ADSL: variants seen among roughly 807,000 people sequenced by gnomAD.
ADSL encodes the protein adenylosuccinase.
Under a neutral mutation model 62.1 loss-of-function variants are expected in ADSL, and 44 were observed. That is an observed-to-expected ratio of 0.71 (90% confidence interval 0.56 to 0.91). The LOEUF is 0.91. Ranked by LOEUF, ADSL falls within the 40% of genes least tolerant of loss-of-function variation. The pLI, the probability that ADSL is intolerant of heterozygous loss-of-function variation, is 0.00. For missense variants in ADSL, 531 were observed against 627.4 expected, an observed-to-expected ratio of 0.85 and a Z score of 1.64; for synonymous variants, 198 against 220.5, an observed-to-expected ratio of 0.90 and a Z score of 0.90.
chr22:40,366,591 C>T lies in ADSL; in HGVS notation c.*69C>T. The T allele has an allele frequency of 9.0e-7, 1 of 1,106,824 alleles. No individual in the cohort carries two copies. Among genetic ancestry groups the T allele is most frequent in the African/African-American group, 1.5e-5 (1 of 64,768 alleles). The allele number at this position is 1,106,824 out of a possible 1,614,324, so 68.6% of individuals were successfully genotyped here. On this transcript the variant is annotated 3_prime_UTR_variant, in exon 13 of 13. Coordinates refer to ENST00000623063, the MANE Select transcript of ADSL (RefSeq NM_000026.4). ...CATGAAAATTGTGTTACTATAATGC[C>T]TTATTTTACCTCGAGAATTGTTACC... is the stretch of plus-strand genomic sequence containing the variant.
chr22:40,359,596 G>A (rs555341274), intron 6 of ADSL, among the ~76,000 whole-genome samples: 48 of 151,470 alleles, frequency 3.2e-4, no homozygotes, highest in Admixed American at 7.2e-4. Context: ...GGAGTGCAGC[G>A]GTGTGATCTC....
chr22:40,364,506 C>A, intron 11 of ADSL, 141 bp downstream of exon 11: 1 of 796,636 alleles, frequency 1.3e-6, no homozygotes, highest in Non-Finnish European at 2.1e-6. Context: ...CCATAATCTG[C>A]CATCTATGGA....
At chr22:40,387,154 T>G in intron 2 of ADSL, 1 of 398,518 alleles carries the variant, frequency 2.5e-6, no homozygotes, top group Non-Finnish European at 4.4e-6. Flanking sequence ...ATGGGGATAA[T>G]GCCTGTGAGT....
chr22:40,361,999 G>A (rs2044809144), intron 9 of ADSL, among the ~76,000 whole-genome samples: 1 of 152,150 alleles, frequency 6.6e-6, no homozygotes, highest in Non-Finnish European at 1.5e-5. Context: ...GAGTAGCCCT[G>A]GGGAATGAAG....
In ADSL at chr22:40,353,100, G is replaced by GA; in HGVS notation, c.386dup (p.Asp129GlufsTer19). On this transcript the variant is annotated frameshift_variant, in exon 3 of 13. Transcript: ENST00000623063. LOFTEE classifies it high-confidence loss of function. ...CTTGATTATTCTTAGAAATGCACTT[G>GA]ACCTGCTTTTGCCAAAGGTAAGGAG... The GA allele has an allele frequency of 6.2e-7, 1 of 1,613,924 alleles. No individual in the cohort carries two copies. Among genetic ancestry groups the GA allele is most frequent in the Non-Finnish European group, 8.5e-7 (1 of 1,179,888 alleles).
At chr22:40,359,437 T>C (rs2044685918) in intron 6 of ADSL, 131 bp downstream of exon 6, 1 of 792,484 alleles carries the variant, frequency 1.3e-6, no homozygotes, top group East Asian at 2.6e-5. Context: ...TTTTTTTTCC[T>C]GTCTCTATCC....
chr22:40,350,144 T>C lies in ADSL; in HGVS notation c.357+109T>C, dbSNP rs2044289730. 1.3e-5 allele frequency: 15 copies of C among 1,124,926 alleles called. No homozygotes were observed. The Admixed American group carries it at 2.8e-4, about 21-fold the overall frequency. The allele number at this position is 1,124,926 out of a possible 1,614,324, so 69.7% of individuals were successfully genotyped here. ...GTGACACTATAGATCTTTTTTTTTTTTTTGAGGCAGAGTCTCCCTCTGTCT... is the reference window on the plus strand; with the variant it reads ...GTGACACTATAGATCTTTTTTTTTTCTTTGAGGCAGAGTCTCCCTCTGTCT... On this transcript the variant is annotated intron_variant, in intron 2 of 12. Coordinates refer to ENST00000623063, the MANE Select transcript of ADSL (RefSeq NM_000026.4).
chr22:40,349,606 G>C (rs2044269050), intron 1 of ADSL, among the ~76,000 whole-genome samples: 1 of 152,006 alleles, frequency 6.6e-6, no homozygotes, highest in Admixed American at 6.6e-5. Flanking sequence ...TTGGAGCTTT[G>C]TTATAGTATA....
chr22:40,349,578 G>T (rs1467088340), intron 1 of ADSL, among the ~76,000 whole-genome samples: 2 of 151,966 alleles, frequency 1.3e-5, no homozygotes, highest in African/African-American at 4.8e-5. Context: ...TTTCACCGTT[G>T]TTGCCCAGGC....
At chr22:40,377,965 A>G (rs376332885) in intron 2 of ADSL, among the ~76,000 whole-genome samples, 19 of 152,326 alleles carry the variant, frequency 1.2e-4, no homozygotes, top group African/African-American at 4.6e-4. Context: ...AAGTACCCCT[A>G]AAAAGACCAA....
At chr22:40,383,120 T>C (rs2047836536) in intron 2 of ADSL, among the ~76,000 whole-genome samples, 2 of 152,178 alleles carry the variant, frequency 1.3e-5, no homozygotes, top group African/African-American at 4.8e-5. Flanking sequence ...ATTCAGCCCT[T>C]GAAGAGCTTT....
intron 3 of ADSL, chr22:40,353,477 T>A: frequency 1.4e-6 from 1 of 694,430 alleles, no homozygotes; most frequent in Non-Finnish European, 2.6e-6. Context: ...TAGAAATGGT[T>A]TTTGCCATGT....
rs11431892 is a variant in ADSL, at chr22:40,360,726, C to CTT, written c.792+245_792+246dup. Among the ~76,000 whole-genome samples, 660 of 147,386 alleles carry CTT rather than the reference C, an allele frequency of 4.5e-3. 5 individuals are homozygous for CTT. The highest frequency in any genetic ancestry group is 0.012 in the African/African-American group (478 of 40,090). On this transcript the variant is annotated intron_variant, in intron 7 of 12. Coordinates refer to ENST00000623063, the MANE Select transcript of ADSL (RefSeq NM_000026.4). The stretch of plus-strand genomic sequence containing the variant: ...TTGTTCAGTGGTATATTAAATTAAT[C>CTT]TTTTTTTTTTTTCGAGATGGAGTTT...
At chr22:40,354,633 G>A (rs2044479813) in intron 4 of ADSL, among the ~76,000 whole-genome samples, 2 of 152,104 alleles carry the variant, frequency 1.3e-5, no homozygotes. Context: ...CATTTTGGGA[G>A]GTCAAGGTGG....
intron 2 of ADSL, among the ~76,000 whole-genome samples, chr22:40,386,690 C>T (rs75719877): frequency 7.5e-5 from 11 of 147,182 alleles, no homozygotes; most frequent in African/African-American, 2.5e-4. Flanking sequence ...CCAAAGTGTT[C>T]GGGTTACATA....
chr22:40,360,534 G>C, intron 7 of ADSL, 42 bp downstream of exon 7: 1 of 1,414,324 alleles, frequency 7.1e-7, no homozygotes, highest in African/African-American at 1.4e-5. Context: ...GGAGCTTTGG[G>C]CACCACAGAC....
At chr22:40,365,687 T>G (rs2044977373) in intron 12 of ADSL, among the ~76,000 whole-genome samples, 2 of 151,962 alleles carry the variant, frequency 1.3e-5, no homozygotes, top group Non-Finnish European at 2.9e-5. Context: ...CTGGGCAACA[T>G]GGTGAAACCT....
Position 40,368,079 on chromosome 22 carries a change from T to C in ADSL, c.*1557T>C, listed in dbSNP as rs1304896723. ...CCAAAAAGATCTTGTGGTGGAGGAA[T>C]GTTAGGGCTCTTTATCCTATACAGA... On this transcript the variant is annotated 3_prime_UTR_variant, in exon 13 of 13. Transcript: ENST00000623063. The C allele has an allele frequency of 6.6e-6, 1 of 152,182 alleles. No individual in the cohort carries two copies. Among genetic ancestry groups the C allele is most frequent in the Non-Finnish European group, 1.5e-5 (1 of 68,030 alleles). 9.4% of individuals were successfully genotyped at this position (152,182 alleles called of 1,614,324 possible).
At chr22:40,383,103 A>C (rs1489172728) in intron 2 of ADSL, among the ~76,000 whole-genome samples, 1 of 152,206 alleles carries the variant, frequency 6.6e-6, no homozygotes, top group Non-Finnish European at 1.5e-5. Flanking sequence ...AGTAGGTGCT[A>C]ATGAGGATTC....
Sources: allele counts gnomAD v4.1 joint callset (sites outside exome capture counted in the v4.1 genomes callset), GRCh38; gene constraint gnomAD v4.1.1; transcripts MANE v1.5; gene names NCBI Gene and HGNC (gene_info 2026-07-23, HGNC 2026-07-21).